ABCE1: variants seen among roughly 807,000 people sequenced by gnomAD.
ABCE1 encodes the protein ATP-binding cassette sub-family E member 1.
A neutral mutation model predicts 83.4 loss-of-function variants in ABCE1; 22 were observed. The observed-to-expected ratio is 0.26, with a 90% CI of 0.19 to 0.38. ABCE1 has a LOEUF of 0.38. Among genes scored for constraint, ABCE1 ranks in the 10% least tolerant of loss-of-function variants. The pLI, the probability that ABCE1 is intolerant of heterozygous loss-of-function variation, is 1.00. For synonymous variants in ABCE1, 204 were observed against 233.7 expected, an observed-to-expected ratio of 0.87 and a Z score of 1.16; for missense variants, 330 against 721.9, an observed-to-expected ratio of 0.46 and a Z score of 6.22.
At chr4:145,100,659 C>A (rs1197896620) in intron 1 of ABCE1, among the ~76,000 whole-genome samples, 1 of 152,208 alleles carries the variant, frequency 6.6e-6, no homozygotes, top group Non-Finnish European at 1.5e-5. Context: ...CTTTACAAGA[C>A]CTGGACCAGT....
chr4:145,112,372 A>G, intron 9 of ABCE1, 44 bp downstream of exon 9: 1 of 1,296,278 alleles, frequency 7.7e-7, no homozygotes, highest in Non-Finnish European at 1.1e-6. Context: ...TTGTTTGGAG[A>G]TTTTTACAGA....
intron 10 of ABCE1, among the ~76,000 whole-genome samples, chr4:145,119,518 CAT>C (rs1214057336): frequency 4.0e-5 from 6 of 151,832 alleles, no homozygotes; most frequent in African/African-American, 1.4e-4. Context: ...GCTTATGTCT[CAT>C]ATGAAATTAA....
In ABCE1 at chr4:145,109,046, G is replaced by T. The variant is rs976806486; in HGVS notation, c.288-86G>T. 7.5e-5 allele frequency: 67 copies of T among 895,062 alleles called. No homozygotes were observed. In the African/African-American group the frequency reaches 1.0e-3, roughly 14 times the overall value. 55.4% of individuals were successfully genotyped at this position (895,062 alleles called of 1,614,324 possible). On this transcript the variant is annotated intron_variant, in intron 4 of 17. Transcript: ENST00000296577. ...ATTAATGGATGGTTGTGAAGTGCAGGTGCATTAAAATATATCATTCTGATG... is the reference window on the plus strand; with the variant it reads ...ATTAATGGATGGTTGTGAAGTGCAGTTGCATTAAAATATATCATTCTGATG...
intron 5 of ABCE1, 105 bp from the exon 6 acceptor site, chr4:145,109,998 C>T (rs1458856876): frequency 6.7e-6 from 7 of 1,049,866 alleles, no homozygotes; most frequent in Non-Finnish European, 7.9e-6. Context: ...AGTTAAAAGC[C>T]ACAAGTGTTC....
intron 9 of ABCE1, among the ~76,000 whole-genome samples, chr4:145,113,437 A>G (rs568531700): frequency 1.0e-3 from 152 of 152,300 alleles, no homozygotes; most frequent in African/African-American, 3.5e-3. Flanking sequence ...TGAGAAAGTA[A>G]TATGTTTAAG....
chr4:145,121,771 C>T, intron 13 of ABCE1: 1 of 175,546 alleles, frequency 5.7e-6, no homozygotes. Context: ...ACTCAGGAGG[C>T]TGAGGCAGGA....
chr4:145,128,420 T>G lies in ABCE1; in HGVS notation c.*847T>G, dbSNP rs1749951786. 6.6e-6 allele frequency: 1 copy of G among 152,276 alleles called. No homozygotes were observed. Among genetic ancestry groups the G allele is most frequent in the African/African-American group, 2.4e-5 (1 of 41,458 alleles). 9.4% of individuals were successfully genotyped at this position (152,276 alleles called of 1,614,324 possible). Reference sequence around the variant, plus strand: ...AATCTTTAAAGATGGTGCCTAAGCATCTATGTATTTTTTTTAAGTTCCACA... The same window carrying G: ...AATCTTTAAAGATGGTGCCTAAGCAGCTATGTATTTTTTTTAAGTTCCACA... On this transcript the variant is annotated 3_prime_UTR_variant, in exon 18 of 18. Transcript: ENST00000296577.
chr4:145,101,669 G>C (rs573976959), intron 1 of ABCE1, among the ~76,000 whole-genome samples: 38 of 152,314 alleles, frequency 2.5e-4, no homozygotes, highest in African/African-American at 8.9e-4. Context: ...TCAGATTCTG[G>C]ATGTTTTATA....
chr4:145,128,130 G>A lies in ABCE1; in HGVS notation c.*557G>A, dbSNP rs1322706226. On this transcript the variant is annotated 3_prime_UTR_variant, in exon 18 of 18. Transcript: ENST00000296577. The stretch of plus-strand genomic sequence containing the variant: ...TTATCTACTGCAAAACACCACTGTT[G>A]GAAAAATAGGTATTTTTAAATTGTT... 1.3e-5 allele frequency: 2 copies of A among 152,422 alleles called. No individual in the cohort carries two copies. The highest frequency in any genetic ancestry group is 2.4e-5 in the African/African-American group (1 of 41,398). 9.4% of individuals were successfully genotyped at this position (152,422 alleles called of 1,614,324 possible).
chr4:145,127,539 A>T lies in ABCE1; in HGVS notation c.1766A>T (p.Lys589Met). Reference sequence around the variant, plus strand: ...TTTCTTTTTTAGGATGTAGAACAAAAGAAGAGTGGAAACTACTTTTTCTTG... The same window carrying T: ...TTTCTTTTTTAGGATGTAGAACAAATGAAGAGTGGAAACTACTTTTTCTTG... ...KLNSIKDVEQ[K>M]KSGNYFFLDD Residue 589 changes from lysine (K) to methionine (M), a missense_variant, in exon 18 of 18, where the codon AAG (lysine) becomes ATG (methionine). Coordinates refer to ENST00000296577, the MANE Select transcript of ABCE1 (RefSeq NM_002940.3). 1 of 1,581,200 alleles carries T rather than the reference A, an allele frequency of 6.3e-7. No individual in the cohort carries two copies. The highest frequency in any genetic ancestry group is 8.5e-7 in the Non-Finnish European group (1 of 1,169,692).
At chr4:145,111,139 A>T in intron 8 of ABCE1, 75 bp downstream of exon 8, 1 of 977,762 alleles carries the variant, frequency 1.0e-6, no homozygotes, top group Non-Finnish European at 1.5e-6. Context: ...CTAATAGAGG[A>T]ATGGTTTTGA....
intron 12 of ABCE1, 48 bp downstream of exon 12, chr4:145,121,281 C>A: frequency 6.2e-7 from 1 of 1,611,062 alleles, no homozygotes; most frequent in Non-Finnish European, 8.5e-7. Flanking sequence ...ACACAGTAAA[C>A]TTTAAAGATC....
chr4:145,109,308 G>C lies in ABCE1; in HGVS notation c.405+59G>C, dbSNP rs199627300. Reference sequence around the variant, plus strand: ...TGAGTCAGTTTTATGAGATTTTGGGGGGATGATATGTATATTTTTAAAATA... The same window carrying C: ...TGAGTCAGTTTTATGAGATTTTGGGCGGATGATATGTATATTTTTAAAATA... On this transcript the variant is annotated intron_variant, in intron 5 of 17. Transcript: ENST00000296577. 9.9e-5 allele frequency: 88 copies of C among 889,948 alleles called. No individual in the cohort carries two copies. The Middle Eastern group carries it at 1.1e-3, about 12-fold the overall frequency. The allele number at this position is 889,948 out of a possible 1,614,324, so 55.1% of individuals were successfully genotyped here. A position where few individuals can be genotyped will look rare whatever the true frequency, so the allele number is the denominator to read the frequency against.
At chr4:145,107,981 A>AATCC (rs1749353445) in intron 3 of ABCE1, 34 bp from the exon 4 acceptor site, 1 of 1,539,180 alleles carries the variant, frequency 6.5e-7, no homozygotes, top group Non-Finnish European at 8.9e-7. Context: ...TCTACAAATT[A>AATCC]ATACAAAAAT....
intron 9 of ABCE1, among the ~76,000 whole-genome samples, chr4:145,115,120 A>C (rs1179277890): frequency 6.6e-6 from 1 of 151,980 alleles, no homozygotes; most frequent in Non-Finnish European, 1.5e-5. Context: ...TACAACCTAG[A>C]TTCCTTACTA....
At chr4:145,108,324 A>G (rs1340430739) in intron 4 of ABCE1, among the ~76,000 whole-genome samples, 1 of 152,172 alleles carries the variant, frequency 6.6e-6, no homozygotes, top group East Asian at 1.9e-4. Context: ...TAAAGCTACT[A>G]ATGCCCAGGT....
At chr4:145,123,446 A>G in intron 15 of ABCE1, 32 bp from the exon 16 acceptor site, 1 of 1,590,856 alleles carries the variant, frequency 6.3e-7, no homozygotes, top group Non-Finnish European at 8.6e-7. Context: ...TATGATAGAA[A>G]GCTATAAGAT....
intron 17 of ABCE1, among the ~76,000 whole-genome samples, chr4:145,125,742 T>C (rs1236649744): frequency 1.3e-5 from 2 of 152,182 alleles, no homozygotes; most frequent in Non-Finnish European, 2.9e-5. Context: ...TTAACCAATT[T>C]CTGTTATATT....
chr4:145,100,341 C>A (rs1749109957), intron 1 of ABCE1, among the ~76,000 whole-genome samples: 2 of 152,056 alleles, frequency 1.3e-5, no homozygotes, highest in South Asian at 4.2e-4. Context: ...TAGCAAGATC[C>A]CTGTGTCTTT....
Sources: gnomAD v4.1 joint callset for allele counts (sites outside exome capture counted in the v4.1 genomes callset) on GRCh38, gnomAD v4.1.1 for gene constraint, MANE v1.5 for transcripts, NCBI Gene and HGNC (gene_info 2026-07-23, HGNC 2026-07-21) for gene names.